Variants in UBAC1 observed in about 807,000 individuals in gnomAD.
UBAC1 encodes the protein UBA domain containing 1.
UBAC1 carries 27 observed loss-of-function variants against 45.9 expected under a neutral mutation model. The observed-to-expected ratio is 0.59, with a 90% CI of 0.43 to 0.81. The LOEUF (loss-of-function observed/expected upper bound fraction) is 0.81, where lower values mean the gene tolerates loss of function less well. Among genes scored for constraint, UBAC1 ranks in the 30% least tolerant of loss-of-function variants. The pLI, the probability that UBAC1 is intolerant of heterozygous loss-of-function variation, is 0.00. For missense variants in UBAC1, 529 were observed against 539.2 expected (o/e 0.98, Z 0.19); for synonymous variants, 227 against 215.5 (o/e 1.05, Z -0.47).
intron 2 of UBAC1, 156 bp from the exon 3 acceptor site, chr9:135,953,909 C>G (rs919361817): frequency 2.3e-6 from 1 of 437,850 alleles, no homozygotes; most frequent in Non-Finnish European, 4.0e-6. Context: ...GAGGCTGAGG[C>G]GGGCAAATTA....
intron 4 of UBAC1, among the ~76,000 whole-genome samples, chr9:135,947,344 C>T (rs111948954): frequency 4.6e-5 from 7 of 152,094 alleles, no homozygotes; most frequent in African/African-American, 1.4e-4. Context: ...CTCCGCCTCC[C>T]GGGTTCAAGT....
chr9:135,936,846 A>G (rs916284635), intron 9 of UBAC1, among the ~76,000 whole-genome samples: 1 of 152,216 alleles, frequency 6.6e-6, no homozygotes, highest in African/African-American at 2.4e-5. Context: ...GACACACTGA[A>G]GGACATCAAA....
chr9:135,943,088 TA>T (rs1218098229), intron 7 of UBAC1, among the ~76,000 whole-genome samples: 1 of 151,964 alleles, frequency 6.6e-6, no homozygotes, highest in Non-Finnish European at 1.5e-5. Flanking sequence ...ACAACCCCAT[TA>T]AAAAGTGGGC....
At chr9:135,946,656 G>C (rs1452265514) in intron 4 of UBAC1, among the ~76,000 whole-genome samples, 3 of 152,250 alleles carry the variant, frequency 2.0e-5, no homozygotes, top group Non-Finnish European at 4.4e-5. Context: ...CGTCGGCCCA[G>C]CTGGCGCAGG....
At chr9:135,947,571 C>T (rs1839353090) in intron 4 of UBAC1, 1 of 468,428 alleles carries the variant, frequency 2.1e-6, no homozygotes, top group African/African-American at 2.0e-5. Flanking sequence ...CCAGGGGTAT[C>T]TATCTTTTCA....
rs746841119 is a variant in UBAC1, at chr9:135,945,910, G to A, written c.632C>T (p.Thr211Ile). 3 of 1,614,064 alleles carry A rather than the reference G, an allele frequency of 1.9e-6. No homozygotes were observed. Among genetic ancestry groups the A allele is most frequent in the East Asian group, 2.2e-5 (1 of 44,872 alleles). ...GCACTGGTTCAGCTGAAGGGCCTTG[G>A]TGGCTCTGTTCTCCGGAAAGCCCAT... ...TEMGFPENRA[T>I]KALQLNHMSV... The change falls in exon 6 of 10, where the codon ACC becomes ATC. Residue 211 changes from threonine to isoleucine, a missense_variant. By Grantham distance (89) the Thr-to-Ile change is moderately conservative. Coordinates refer to ENST00000371756, the MANE Select transcript of UBAC1 (RefSeq NM_016172.3).
At chr9:135,947,739 A>C in intron 4 of UBAC1, 59 bp downstream of exon 4, 2 of 1,389,112 alleles carry the variant, frequency 1.4e-6, no homozygotes, top group Non-Finnish European at 2.0e-6. Context: ...GAACCCCCCC[A>C]CAGCAATCCC....
chr9:135,945,338 A>G, intron 6 of UBAC1, 88 bp from the exon 7 acceptor site: 1 of 1,194,974 alleles, frequency 8.4e-7, no homozygotes, highest in Non-Finnish European at 1.1e-6. Flanking sequence ...AGCCTCTGCT[A>G]TGGTAGTGAC....
intron 9 of UBAC1, among the ~76,000 whole-genome samples, chr9:135,937,472 C>A (rs1221316703): frequency 6.8e-6 from 1 of 146,988 alleles, no homozygotes; most frequent in Admixed American, 6.8e-5. Context: ...TCAGGAGTGG[C>A]ACCACATGTA....
rs149761532 is a variant in UBAC1, at chr9:135,958,276, T to A, written c.138+2749A>T. ...GTTAGCCAGAATGGTCTCGATCTCC[T>A]GACCTTGTGATCTGCCTGTCTTGGC... On this transcript the variant is annotated intron_variant, in intron 1 of 9. Transcript: ENST00000371756. Among the ~76,000 whole-genome samples, 35 of 152,292 alleles carry A rather than the reference T, an allele frequency of 2.3e-4. 1 individual carries two copies. The East Asian group carries it at 6.6e-3, about 29-fold the overall frequency.
At chr9:135,958,716 C>T (rs1388878772) in intron 1 of UBAC1, among the ~76,000 whole-genome samples, 1 of 152,180 alleles carries the variant, frequency 6.6e-6, no homozygotes, top group East Asian at 1.9e-4. Flanking sequence ...TCCAGAGAGA[C>T]ATTCAAATAC....
Position 135,938,342 on chromosome 9 carries a change from C to A in UBAC1, c.982G>T (p.Asp328Tyr). 1 of 1,613,616 alleles carries A rather than the reference C, an allele frequency of 6.2e-7. No homozygotes were observed. The highest frequency in any genetic ancestry group is 8.5e-7 in the Non-Finnish European group (1 of 1,179,968). Residue 328 changes from aspartate (D) to tyrosine (Y), a missense_variant, in exon 9 of 10, where the codon GAC becomes TAC. Asp to Tyr is a radical substitution (Grantham distance 160, BLOSUM62 -3). Coordinates refer to ENST00000371756, the MANE Select transcript of UBAC1 (RefSeq NM_016172.3). Reference sequence around the variant, plus strand: ...AGCTCCTCCGGAGAGGGCTTCCGGTCCCCCAGCAGCCACTCGCACTGCAAA... The same window carrying A: ...AGCTCCTCCGGAGAGGGCTTCCGGTACCCCAGCAGCCACTCGCACTGCAAA... The part of the protein sequence containing the change: ...QNAACEWLLG[D>Y]RKPSPEELDK...
intron 1 of UBAC1, among the ~76,000 whole-genome samples, chr9:135,956,113 C>G (rs1243332860): frequency 6.6e-6 from 1 of 152,194 alleles, no homozygotes; most frequent in African/African-American, 2.4e-5. Flanking sequence ...CGGGAGGCAA[C>G]ACATGGGTAG....
chr9:135,937,027 A>G (rs1167716975), intron 9 of UBAC1, among the ~76,000 whole-genome samples: 2 of 152,236 alleles, frequency 1.3e-5, no homozygotes, highest in South Asian at 4.1e-4. Flanking sequence ...AAGGTCTCTC[A>G]CAGCCAAGGT....
chr9:135,959,370 TG>T (rs57256439), intron 1 of UBAC1, among the ~76,000 whole-genome samples: 4,643 of 121,566 alleles, frequency 0.038, 181 homozygotes, highest in African/African-American at 0.1. Flanking sequence ...GTTTTTTGTC[TG>T]GTTTTTTTTT....
chr9:135,945,014 C>A lies in UBAC1; in HGVS notation c.876+14G>T. 2 of 1,610,648 alleles carry A rather than the reference C, an allele frequency of 1.2e-6. No individual in the cohort carries two copies. The highest frequency in any genetic ancestry group is 2.2e-5 in the South Asian group (2 of 90,536). ...ACAGCGACTCTGCCTGGCGACAGGT[C>A]TAGTAACACATACCCGAGCATCAGC... On this transcript the variant is annotated intron_variant, in intron 7 of 9. Coordinates refer to ENST00000371756, the MANE Select transcript of UBAC1 (RefSeq NM_016172.3).
At position 135,933,509 on chromosome 9, in the gene UBAC1, T is replaced by C; in HGVS notation, c.1109A>G (p.Glu370Gly). 1 of 1,613,032 alleles carries C rather than the reference T, an allele frequency of 6.2e-7. No individual in the cohort carries two copies. The highest frequency in any genetic ancestry group is 8.5e-7 in the Non-Finnish European group (1 of 1,179,146). ...GTTCAGTGGGTTCTCCAGCATGTCT[T>C]CAAATGCTGCAGGGAAAACAGAGCC... ...LTNPKTLLAF[E>G]DMLENPLNST... The change falls in exon 10 of 10, where the codon GAA becomes GGA. Residue 370 changes from glutamate (E) to glycine (G), a missense_variant. Coordinates refer to ENST00000371756, the MANE Select transcript of UBAC1 (RefSeq NM_016172.3).
At chr9:135,946,064 C>T in intron 5 of UBAC1, 67 bp from the exon 6 acceptor site, 1 of 1,438,638 alleles carries the variant, frequency 7.0e-7, no homozygotes, top group Non-Finnish European at 9.7e-7. Context: ...TGAGCACAAA[C>T]ATTTGCAGCA....
chr9:135,933,352 C>T lies in UBAC1; in HGVS notation c.*48G>A, dbSNP rs367872540. ...AGGTCCACTCTGCCCGGTCTCGGGC[C>T]GCACCAGGGGGCTGCTGTGGCCTGA... On this transcript the variant is annotated 3_prime_UTR_variant, in exon 10 of 10. Coordinates refer to ENST00000371756, the MANE Select transcript of UBAC1 (RefSeq NM_016172.3). The T allele has an allele frequency of 4.9e-5, 76 of 1,544,116 alleles. No individual in the cohort carries two copies. In the Admixed American group the frequency reaches 6.0e-4, roughly 12 times the overall value.
Sources: gnomAD v4.1 joint callset for allele counts (sites outside exome capture counted in the v4.1 genomes callset) on GRCh38, gnomAD v4.1.1 for gene constraint, MANE v1.5 for transcripts, NCBI Gene and HGNC (gene_info 2026-07-23, HGNC 2026-07-21) for gene names.